The following PDGFRL variants were observed in gnomAD, a reference collection of about 807,000 sequenced individuals.
PDGFRL encodes the protein platelet derived growth factor receptor like.
A neutral mutation model predicts 37.2 loss-of-function variants in PDGFRL; 46 were observed. That is an observed-to-expected ratio of 1.24 (90% confidence interval 0.98 to 1.58). PDGFRL has a LOEUF of 1.58. PDGFRL is among the 40% of genes most tolerant of loss of function. The pLI, the probability that PDGFRL is intolerant of heterozygous loss-of-function variation, is 0.00. For missense variants in PDGFRL, 692 were observed against 467.6 expected (o/e 1.48, Z -4.43); for synonymous variants, 251 against 184.3 (o/e 1.36, Z -2.93).
intron 5 of PDGFRL, among the ~76,000 whole-genome samples, chr8:17,641,640 G>A (rs905424308): frequency 2.9e-4 from 44 of 152,300 alleles, no homozygotes; most frequent in Admixed American, 2.2e-3. Flanking sequence ...CAATTGCAGC[G>A]TATTTAGCCC....
At chr8:17,628,960 A>C (rs1225460866) in intron 4 of PDGFRL, among the ~76,000 whole-genome samples, 180 bp downstream of exon 4, 3 of 151,634 alleles carry the variant, frequency 2.0e-5, no homozygotes, top group Non-Finnish European at 2.9e-5. Flanking sequence ...TTTGTTGCCC[A>C]GGCTGGAATG....
intron 2 of PDGFRL, among the ~76,000 whole-genome samples, chr8:17,616,701 C>T (rs1411874910): frequency 6.6e-6 from 1 of 152,160 alleles, no homozygotes; most frequent in African/African-American, 2.4e-5. Flanking sequence ...TTACTCTCCT[C>T]GGAGTTCTCA....
chr8:17,636,901 T>A (rs1383206471), intron 5 of PDGFRL, among the ~76,000 whole-genome samples: 1 of 152,198 alleles, frequency 6.6e-6, no homozygotes, highest in Non-Finnish European at 1.5e-5. Context: ...GAGTTATTGA[T>A]TTGATTCTCA....
At chr8:17,620,437 G>T (rs976107667) in intron 2 of PDGFRL, among the ~76,000 whole-genome samples, 3 of 151,974 alleles carry the variant, frequency 2.0e-5, no homozygotes, top group Admixed American at 1.3e-4. Flanking sequence ...AAGATACAGG[G>T]TGGCCATTTA....
intron 2 of PDGFRL, among the ~76,000 whole-genome samples, chr8:17,591,246 A>T (rs1803933076): frequency 6.6e-6 from 1 of 152,092 alleles, no homozygotes; most frequent in African/African-American, 2.4e-5. Flanking sequence ...AACTGGTAAG[A>T]AGGCCCATGA....
chr8:17,640,511 G>A (rs1235957523), intron 5 of PDGFRL, among the ~76,000 whole-genome samples: 31 of 152,080 alleles, frequency 2.0e-4, no homozygotes, highest in Non-Finnish European at 2.9e-5. Flanking sequence ...TATGTGTGTG[G>A]CTTCCTGAGA....
intron 2 of PDGFRL, among the ~76,000 whole-genome samples, chr8:17,618,891 G>C (rs1289428236): frequency 7.3e-6 from 1 of 136,392 alleles, no homozygotes; most frequent in Non-Finnish European, 1.6e-5. Flanking sequence ...TCAGGCAAAA[G>C]TGGGGAGATT....
intron 2 of PDGFRL, among the ~76,000 whole-genome samples, chr8:17,617,065 C>A (rs1173937531): frequency 6.6e-6 from 1 of 152,220 alleles, no homozygotes; most frequent in African/African-American, 2.4e-5. Context: ...CAGTCCTCCA[C>A]TGATGGGAGC....
At chr8:17,599,136 C>T (rs1452588617) in intron 2 of PDGFRL, among the ~76,000 whole-genome samples, 1 of 152,156 alleles carries the variant, frequency 6.6e-6, no homozygotes, top group African/African-American at 2.4e-5. Context: ...TTCTCTCTCT[C>T]TTTTAAAATT....
intron 4 of PDGFRL, among the ~76,000 whole-genome samples, chr8:17,630,158 T>G (rs1804833021): frequency 6.6e-6 from 1 of 152,202 alleles, no homozygotes; most frequent in Admixed American, 6.5e-5. Context: ...CTGCATTTTG[T>G]CCCGTCTTTC....
At chr8:17,637,750 G>A (rs1318865113) in intron 5 of PDGFRL, among the ~76,000 whole-genome samples, 1 of 152,120 alleles carries the variant, frequency 6.6e-6, no homozygotes, top group Admixed American at 6.5e-5. Flanking sequence ...CTCACTGCTT[G>A]TTATTGGTCT....
At chr8:17,586,523 C>T (rs190312285) in intron 1 of PDGFRL, among the ~76,000 whole-genome samples, 29 of 152,342 alleles carry the variant, frequency 1.9e-4, no homozygotes, top group Middle Eastern at 3.4e-3. Flanking sequence ...GTCAGAGGGT[C>T]TGTTTTTTCA....
In PDGFRL at chr8:17,628,542, C is replaced by A; in HGVS notation, c.561C>A (p.Asn187Lys). Residue 187 changes from asparagine to lysine, a missense_variant, in exon 4 of 6, where the codon AAC becomes AAA. By Grantham distance (94) the Asn-to-Lys change is moderately conservative. Coordinates refer to ENST00000251630, the MANE Select transcript of PDGFRL (RefSeq NM_001372073.1). ...GCTACTTCGATGTTGTCTACTTGAA[C>A]CCGGACAGACAGGCTGTGGTTCCTT... Reference protein sequence around the residue: ...SPSYFDVVYLNPDRQAVVPCR... With the variant: ...SPSYFDVVYLKPDRQAVVPCR... 6.2e-7 allele frequency: 1 copy of A among 1,613,906 alleles called. No homozygotes were observed.
At chr8:17,592,469 T>C (rs776866969) in intron 2 of PDGFRL, among the ~76,000 whole-genome samples, 78 of 152,254 alleles carry the variant, frequency 5.1e-4, no homozygotes, top group Non-Finnish European at 5.3e-4. Context: ...ACTCGGTGGA[T>C]GCCCTTGGGG....
rs746824974 is a variant in PDGFRL, at chr8:17,628,781, G to C, written c.799+1G>C. On this transcript the variant is annotated splice_donor_variant, in intron 4 of 5. Coordinates refer to ENST00000251630, the MANE Select transcript of PDGFRL (RefSeq NM_001372073.1). LOFTEE classifies it high-confidence loss of function. ...AAGTACCAGCTGCTCTATGTGGCGG[G>C]TAAGCCTGGCCACCCCTGCCTAGAT... The C allele has an allele frequency of 3.2e-5, 52 of 1,611,382 alleles. No homozygotes were observed. The East Asian group carries it at 1.2e-3, about 36-fold the overall frequency.
At chr8:17,603,225 C>T (rs1255465061) in intron 2 of PDGFRL, among the ~76,000 whole-genome samples, 2 of 152,138 alleles carry the variant, frequency 1.3e-5, no homozygotes, top group African/African-American at 2.4e-5. Flanking sequence ...CTCAAGTGAT[C>T]CACCCACCAC....
At chr8:17,594,899 C>T (rs1804019672) in intron 2 of PDGFRL, among the ~76,000 whole-genome samples, 1 of 152,204 alleles carries the variant, frequency 6.6e-6, no homozygotes, top group Admixed American at 6.5e-5. Flanking sequence ...CTTCCACCTT[C>T]TGGCTGTTGT....
At chr8:17,631,954 C>T (rs541131755) in intron 4 of PDGFRL, among the ~76,000 whole-genome samples, 1 of 152,328 alleles carries the variant, frequency 6.6e-6, no homozygotes, top group East Asian at 1.9e-4. Flanking sequence ...ACGGAAGTGG[C>T]CGGATCTAGG....
chr8:17,579,755 A>T (rs1032291848), intron 1 of PDGFRL, among the ~76,000 whole-genome samples: 1 of 151,942 alleles, frequency 6.6e-6, no homozygotes, highest in Non-Finnish European at 1.5e-5. Context: ...GACCCAATGA[A>T]GCTGGCTGCT....
Sources: gnomAD v4.1 joint callset for allele counts (sites outside exome capture counted in the v4.1 genomes callset) on GRCh38, gnomAD v4.1.1 for gene constraint, MANE v1.5 for transcripts, NCBI Gene and HGNC (gene_info 2026-07-23, HGNC 2026-07-21) for gene names.